The following ENPP3 variants were observed in gnomAD, a reference collection of about 807,000 sequenced individuals.
The protein encoded by ENPP3 is ectonucleotide pyrophosphatase/phosphodiesterase family member 3.
A neutral mutation model predicts 117.8 loss-of-function variants in ENPP3; 104 were observed. The observed-to-expected ratio is 0.88, with a 90% CI of 0.75 to 1.04. The LOEUF is 1.04. Ranked by LOEUF, ENPP3 falls within the 50% of genes least tolerant of loss-of-function variation. ENPP3 has a pLI of 0.00. For missense variants in ENPP3, 1,026 were observed against 1,051.9 expected (o/e 0.98, Z 0.34); for synonymous variants, 380 against 349.9 (o/e 1.09, Z -0.96).
chr6:131,721,683 T>A lies in ENPP3; in HGVS notation c.1568-544T>A, dbSNP rs931133390. On this transcript the variant is annotated intron_variant, in intron 17 of 24. Transcript: ENST00000357639. The stretch of plus-strand genomic sequence containing the variant: ...AGCAAAATTCACTAGTTCCATTTTT[T>A]AAAAGTGTCTATCTTTAGAGAATAA... 7.9e-5 allele frequency among the ~76,000 whole-genome samples: 12 copies of A among 151,954 alleles called. No homozygotes were observed. In the East Asian group the frequency reaches 2.1e-3, roughly 27 times the overall value.
rs767190557 is a variant in ENPP3, at chr6:131,693,584, A to G, written c.1372A>G (p.Lys458Glu). ...CTATGCCAAGAACGTCAGAATCGAC[A>G]AAGTTCATCTCTTTGTGGATCAACA... ...LHYAKNVRID[K>E]VHLFVDQQWL... Residue 458 changes from lysine (K) to glutamate (E), a missense_variant, in exon 15 of 25, where the codon AAA becomes GAA. Lys to Glu is a moderately conservative substitution (Grantham distance 56). Coordinates refer to ENST00000357639, the MANE Select transcript of ENPP3 (RefSeq NM_005021.5). 6.2e-7 allele frequency: 1 copy of G among 1,613,972 alleles called. No individual in the cohort carries two copies. Among genetic ancestry groups the G allele is most frequent in the Non-Finnish European group, 8.5e-7 (1 of 1,179,914 alleles).
intron 23 of ENPP3, 92 bp from the exon 24 acceptor site, chr6:131,740,132 A>T (rs1336692561): frequency 1.6e-5 from 14 of 873,198 alleles, no homozygotes; most frequent in Non-Finnish European, 2.1e-5. Context: ...ATTATTTTAC[A>T]TGTATATGAA....
chr6:131,664,779 T>C (rs1050977960), intron 6 of ENPP3, among the ~76,000 whole-genome samples: 1 of 152,214 alleles, frequency 6.6e-6, no homozygotes, highest in Non-Finnish European at 1.5e-5. Flanking sequence ...ATTTGTACAA[T>C]AGACTTTACT....
intron 2 of ENPP3, among the ~76,000 whole-genome samples, chr6:131,645,893 G>C (rs7766061): frequency 6.6e-6 from 1 of 151,788 alleles, no homozygotes; most frequent in East Asian, 1.9e-4. Flanking sequence ...AACTTGGTGG[G>C]CAACTATGGT....
chr6:131,642,132 A>G (rs1485539842), intron 2 of ENPP3, among the ~76,000 whole-genome samples: 1 of 152,006 alleles, frequency 6.6e-6, no homozygotes, highest in Non-Finnish European at 1.5e-5. Context: ...TAAGTGGATC[A>G]CAGCCTTTTC....
Position 131,746,775 on chromosome 6 carries a change from T to C in ENPP3, c.2458-11T>C. The C allele has an allele frequency of 6.3e-7, 1 of 1,590,900 alleles. No homozygotes were observed. Among genetic ancestry groups the C allele is most frequent in the Non-Finnish European group, 8.5e-7 (1 of 1,173,114 alleles). On this transcript the variant is annotated splice_polypyrimidine_tract_variant and intron_variant, in intron 24 of 24. Coordinates refer to ENST00000357639, the MANE Select transcript of ENPP3 (RefSeq NM_005021.5). ...TTGTGAAAAAAAAAGTGTTGTGCTT[T>C]TCTTTTTCAGGAAGGTAAACCAGAA...
intron 6 of ENPP3, among the ~76,000 whole-genome samples, chr6:131,664,162 C>T (rs943394372): frequency 6.6e-6 from 1 of 152,130 alleles, no homozygotes; most frequent in Non-Finnish European, 1.5e-5. Context: ...TAGAAGATGA[C>T]AGCTCTATGC....
At chr6:131,679,235 C>T (rs944354848) in intron 11 of ENPP3, among the ~76,000 whole-genome samples, 4 of 151,608 alleles carry the variant, frequency 2.6e-5, no homozygotes, top group Non-Finnish European at 5.9e-5. Context: ...GCTGGGACTA[C>T]AGGCATGCGC....
chr6:131,677,607 T>C (rs1246331415), intron 10 of ENPP3, among the ~76,000 whole-genome samples: 1 of 151,416 alleles, frequency 6.6e-6, no homozygotes, highest in Non-Finnish European at 1.5e-5. Context: ...ACACCAAGAG[T>C]GGTCTTAACT....
At chr6:131,679,398 C>A (rs1778973095) in intron 11 of ENPP3, among the ~76,000 whole-genome samples, 1 of 151,542 alleles carries the variant, frequency 6.6e-6, no homozygotes, top group African/African-American at 2.4e-5. Flanking sequence ...CCCAGCCATT[C>A]TTTTCTATTT....
chr6:131,648,728 C>T (rs1008985593), intron 2 of ENPP3, among the ~76,000 whole-genome samples: 12 of 152,138 alleles, frequency 7.9e-5, no homozygotes, highest in African/African-American at 2.4e-4. Context: ...TCAAACGACT[C>T]CTTCAGGATG....
intron 14 of ENPP3, among the ~76,000 whole-genome samples, chr6:131,693,033 A>G (rs963710733): frequency 1.4e-5 from 2 of 145,428 alleles, no homozygotes; most frequent in African/African-American, 2.5e-5. Flanking sequence ...TATATGATAT[A>G]TAGTTATATA....
intron 24 of ENPP3, among the ~76,000 whole-genome samples, chr6:131,743,544 G>A (rs962322525): frequency 4.6e-5 from 7 of 151,926 alleles, no homozygotes; most frequent in Non-Finnish European, 8.8e-5. Context: ...TTCTAAAGTC[G>A]ACAGAGGCCA....
chr6:131,720,364 T>G lies in ENPP3; in HGVS notation c.1552T>G (p.Tyr518Asp). ...EVEPFENIEV[Y>D]NLMCDLLRIQ... ...TGAACCATTTGAAAATATTGAAGTC[T>G]ATAACCTAATGTGTGGTAAGTATAT... Residue 518 changes from tyrosine (Y) to aspartate (D), a missense_variant, in exon 17 of 25, where the codon TAT becomes GAT. Physicochemically the swap from Tyr to Asp is radical, Grantham distance 160 (BLOSUM62 -3). Transcript: ENST00000357639. 6.4e-7 allele frequency: 1 copy of G among 1,557,648 alleles called. No homozygotes were observed. Among genetic ancestry groups the G allele is most frequent in the Non-Finnish European group, 8.8e-7 (1 of 1,137,254 alleles).
chr6:131,693,433 A>C (rs1779332945), intron 14 of ENPP3, 64 bp from the exon 15 acceptor site: 1 of 1,440,282 alleles, frequency 6.9e-7, no homozygotes, highest in Admixed American at 2.0e-5. Flanking sequence ...GATGTAGAAG[A>C]TGAACTTTTA....
At chr6:131,726,463 G>A (rs1356791458) in intron 20 of ENPP3, among the ~76,000 whole-genome samples, 1 of 152,110 alleles carries the variant, frequency 6.6e-6, no homozygotes, top group African/African-American at 2.4e-5. Flanking sequence ...GGTAGAAAAG[G>A]ACATTTTAAA....
At chr6:131,686,742 T>G (rs919914407) in intron 14 of ENPP3, among the ~76,000 whole-genome samples, 1 of 152,216 alleles carries the variant, frequency 6.6e-6, no homozygotes, top group African/African-American at 2.4e-5. Context: ...TAGCTCCCAC[T>G]TATAAGTGAC....
chr6:131,706,967 A>G (rs1282939142), intron 15 of ENPP3, among the ~76,000 whole-genome samples: 2 of 151,882 alleles, frequency 1.3e-5, no homozygotes, highest in Admixed American at 6.6e-5. Flanking sequence ...AAATTGGGAA[A>G]TGCTCTCTCT....
At position 131,722,210 on chromosome 6, in the gene ENPP3, A is replaced by C. The variant is rs557096124; in HGVS notation, c.1568-17A>C. ...TCCAGTGTAAAGCTACTTTGAACTA[A>C]TTTTTTCAAAAAACAGATCTTCTAC... On this transcript the variant is annotated splice_polypyrimidine_tract_variant and intron_variant, in intron 17 of 24. Transcript: ENST00000357639. 2 of 1,600,644 alleles carry C rather than the reference A, an allele frequency of 1.2e-6. No homozygotes were observed. The highest frequency in any genetic ancestry group is 1.3e-5 in the African/African-American group (1 of 74,234).
Sources: gnomAD v4.1 joint callset for allele counts (sites outside exome capture counted in the v4.1 genomes callset) on GRCh38, gnomAD v4.1.1 for gene constraint, MANE v1.5 for transcripts, NCBI Gene and HGNC (gene_info 2026-07-23, HGNC 2026-07-21) for gene names.